Variants in AGMO observed in about 807,000 individuals in gnomAD.
The protein encoded by AGMO is alkylglycerol monooxygenase.
AGMO carries 75 observed loss-of-function variants against 60.2 expected under a neutral mutation model. The ratio of observed to expected loss-of-function variants is 1.25; its 90% CI spans 1.03 to 1.51. The LOEUF is 1.51. Ranked by LOEUF, AGMO falls within the 40% of genes most tolerant of loss-of-function variation. The probability of loss-of-function intolerance (pLI) is 0.00; values close to 1 mark genes in which losing one functional copy is unlikely to be tolerated. For missense variants in AGMO, 763 were observed against 525.5 expected (o/e 1.45, Z -4.42); for synonymous variants, 261 against 177.1 (o/e 1.47, Z -3.76).
chr7:15,352,262 G>A (rs1338799453), intron 12 of AGMO, among the ~76,000 whole-genome samples: 1 of 151,988 alleles, frequency 6.6e-6, no homozygotes, highest in African/African-American at 2.4e-5. Context: ...CATATAAGAT[G>A]GCCTCCCTAC....
intron 5 of AGMO, among the ~76,000 whole-genome samples, chr7:15,395,309 G>A (rs1280096904): frequency 6.6e-6 from 1 of 152,106 alleles, no homozygotes; most frequent in African/African-American, 2.4e-5. Context: ...TGATAAGTCA[G>A]TGTCACGGGA....
chr7:15,146,092 G>C, the AGMO span, among the ~76,000 whole-genome samples: 1 of 152,066 alleles, frequency 6.6e-6, no homozygotes, highest in African/African-American at 2.4e-5. Flanking sequence ...TTCACTCAAA[G>C]TGTAGCTAAC....
the AGMO span, among the ~76,000 whole-genome samples, chr7:15,131,983 C>A: frequency 6.6e-6 from 1 of 152,056 alleles, no homozygotes; most frequent in Non-Finnish European, 1.5e-5. Flanking sequence ...TCCTGCTGGA[C>A]TCACAATTGT....
At chr7:15,362,675 T>C (rs58815374) in intron 12 of AGMO, among the ~76,000 whole-genome samples, 42 of 152,338 alleles carry the variant, frequency 2.8e-4, no homozygotes, top group Admixed American at 7.2e-4. Context: ...AAAGAGTAGC[T>C]AAGCACCCTG....
intron 3 of AGMO, among the ~76,000 whole-genome samples, chr7:15,502,532 T>C (rs980667379): frequency 6.6e-6 from 1 of 151,952 alleles, no homozygotes; most frequent in Non-Finnish European, 1.5e-5. Context: ...GGCTAGCATT[T>C]GTATCCTGTG....
chr7:15,281,209 G>C (rs1012282782), intron 12 of AGMO, among the ~76,000 whole-genome samples: 1 of 152,050 alleles, frequency 6.6e-6, no homozygotes, highest in Admixed American at 6.5e-5. Flanking sequence ...GCTCAGCAAG[G>C]AAAGTCTGTA....
At chr7:15,453,309 T>C (rs1422383080) in intron 3 of AGMO, among the ~76,000 whole-genome samples, 1 of 152,226 alleles carries the variant, frequency 6.6e-6, no homozygotes, top group African/African-American at 2.4e-5. Flanking sequence ...TACGTGGTCT[T>C]ATAATATGTC....
At chr7:15,444,758 G>A (rs1370828023) in intron 3 of AGMO, among the ~76,000 whole-genome samples, 4 of 152,040 alleles carry the variant, frequency 2.6e-5, no homozygotes, top group Non-Finnish European at 4.4e-5. Context: ...ACTTCAATAG[G>A]CACATATCCA....
chr7:15,525,539 G>A (rs1166758787), intron 3 of AGMO, among the ~76,000 whole-genome samples: 3 of 151,992 alleles, frequency 2.0e-5, no homozygotes, highest in Non-Finnish European at 2.9e-5. Context: ...GAGAGACCCC[G>A]CTGAGATCTG....
intron 12 of AGMO, among the ~76,000 whole-genome samples, chr7:15,318,516 T>C (rs1781009932): frequency 6.6e-6 from 1 of 152,108 alleles, no homozygotes; most frequent in East Asian, 1.9e-4. Flanking sequence ...TAAGCTGATA[T>C]GATTGACTCA....
intron 12 of AGMO, among the ~76,000 whole-genome samples, chr7:15,336,363 T>C (rs571959133): frequency 6.6e-6 from 1 of 152,196 alleles, no homozygotes; most frequent in South Asian, 2.1e-4. Context: ...TTATTTGTTT[T>C]CTTTAAATTT....
chr7:15,337,811 G>A lies in AGMO; in HGVS notation c.1263+27703C>T, dbSNP rs554867395. 3.4e-4 allele frequency among the ~76,000 whole-genome samples: 52 copies of A among 152,272 alleles called. No individual in the cohort carries two copies. In the South Asian group the frequency reaches 9.5e-3, roughly 28 times the overall value. On this transcript the variant is annotated intron_variant, in intron 12 of 12. Transcript: ENST00000342526. ...TTCTTACATTTAGCAGATTGCTAAC[G>A]CTTTTAACCAGGGGCAGATATATTA...
chr7:15,514,803 G>T (rs1783767496), intron 3 of AGMO, among the ~76,000 whole-genome samples: 1 of 152,164 alleles, frequency 6.6e-6, no homozygotes, highest in Non-Finnish European at 1.5e-5. Flanking sequence ...TACTGGTTCA[G>T]GTGCAGAGAC....
intron 3 of AGMO, among the ~76,000 whole-genome samples, chr7:15,451,147 C>T (rs1217679349): frequency 6.6e-6 from 1 of 151,862 alleles, no homozygotes; most frequent in African/African-American, 2.4e-5. Flanking sequence ...GTTTCTGTAG[C>T]CTTTTCATTA....
At chr7:15,238,027 A>C (rs1782479626) in intron 12 of AGMO, among the ~76,000 whole-genome samples, 1 of 152,076 alleles carries the variant, frequency 6.6e-6, no homozygotes, top group African/African-American at 2.4e-5. Flanking sequence ...TGGCCTAATC[A>C]CATTGACCAG....
chr7:15,205,684 A>G (rs1272852058), intron 12 of AGMO, among the ~76,000 whole-genome samples: 1 of 152,152 alleles, frequency 6.6e-6, no homozygotes, highest in Admixed American at 6.6e-5. Flanking sequence ...GTCATTTTAC[A>G]ACAAATTGAA....
the AGMO span, among the ~76,000 whole-genome samples, chr7:15,194,451 T>C: frequency 6.6e-6 from 1 of 151,856 alleles, no homozygotes; most frequent in African/African-American, 2.4e-5. Flanking sequence ...TTTCAGAGAG[T>C]GCATATGCCC....
chr7:15,375,847 T>C (rs536133525), intron 10 of AGMO, among the ~76,000 whole-genome samples: 2 of 152,244 alleles, frequency 1.3e-5, no homozygotes, highest in Non-Finnish European at 1.5e-5. Context: ...GAGGAGGTTA[T>C]CATTGTGTTT....
the AGMO span, among the ~76,000 whole-genome samples, chr7:15,173,044 T>C: frequency 1.3e-5 from 2 of 152,352 alleles, no homozygotes; most frequent in South Asian, 2.1e-4. Flanking sequence ...TTTTCCTCTA[T>C]ACTTTTTACT....
Sources: gnomAD v4.1 joint callset for allele counts (sites outside exome capture counted in the v4.1 genomes callset) on GRCh38, gnomAD v4.1.1 for gene constraint, MANE v1.5 for transcripts, NCBI Gene and HGNC (gene_info 2026-07-23, HGNC 2026-07-21) for gene names.